The following ANKRD44 variants were observed in gnomAD, a reference collection of about 807,000 sequenced individuals.
ANKRD44 encodes the protein serine/threonine-protein phosphatase 6 regulatory ankyrin repeat subunit B.
A neutral mutation model predicts 116.0 loss-of-function variants in ANKRD44; 35 were observed. That is an observed-to-expected ratio of 0.30 (90% CI 0.23 to 0.40). The LOEUF is 0.40. Ranked by LOEUF, ANKRD44 falls within the 10% of genes least tolerant of loss-of-function variation. The probability of loss-of-function intolerance (pLI) is 1.00; values close to 1 mark genes in which losing one functional copy is unlikely to be tolerated. For synonymous variants in ANKRD44, 435 were observed against 461.8 expected, an observed-to-expected ratio of 0.94 and a Z score of 0.74; for missense variants, 1,014 against 1,242.6, an observed-to-expected ratio of 0.82 and a Z score of 2.77.
intron 1 of ANKRD44, among the ~76,000 whole-genome samples, chr2:197,256,316 T>C (rs896973901): frequency 1.9e-4 from 29 of 152,312 alleles, no homozygotes; most frequent in East Asian, 1.5e-3. Flanking sequence ...GTCAGGAGCA[T>C]GAGTACAAAA....
intron 27 of ANKRD44, 26 bp downstream of exon 27, chr2:196,993,557 A>C: frequency 6.5e-7 from 1 of 1,527,102 alleles, no homozygotes; most frequent in South Asian, 1.2e-5. Flanking sequence ...AGGTACCTGC[A>C]GTCGCTGTTG....
At chr2:197,074,467 G>C (rs1291043337) in intron 16 of ANKRD44, among the ~76,000 whole-genome samples, 1 of 152,034 alleles carries the variant, frequency 6.6e-6, no homozygotes, top group African/African-American at 2.4e-5. Context: ...CATTGCCAAT[G>C]TAAGTCCATA....
At chr2:197,304,117 C>T (rs551151503) in intron 1 of ANKRD44, among the ~76,000 whole-genome samples, 11 of 152,130 alleles carry the variant, frequency 7.2e-5, no homozygotes, top group African/African-American at 2.6e-4. Context: ...ACCAGCCTGG[C>T]CGACATGGTG....
In ANKRD44 at chr2:197,121,565, G is replaced by C. The variant is rs1324072822; in HGVS notation, c.694-21C>G. The C allele has an allele frequency of 2.5e-6, 4 of 1,606,386 alleles. No homozygotes were observed. The East Asian group carries it at 8.9e-5, about 36-fold the overall frequency. On this transcript the variant is annotated intron_variant, in intron 7 of 27. Transcript: ENST00000282272. ...TCAATCTGCAAAAGAGTCCAACACA[G>C]GGTGATTAAAGTCATTAGAGCCAGT... is the stretch of plus-strand genomic sequence containing the variant.
chr2:197,085,307 A>G (rs148499345), intron 13 of ANKRD44, among the ~76,000 whole-genome samples: 1 of 152,302 alleles, frequency 6.6e-6, no homozygotes, highest in East Asian at 1.9e-4. Context: ...GATAGGGAGA[A>G]AATGATACCC....
intron 1 of ANKRD44, among the ~76,000 whole-genome samples, chr2:197,225,591 G>A (rs1287268605): frequency 2.0e-5 from 3 of 152,154 alleles, no homozygotes; most frequent in Non-Finnish European, 4.4e-5. Flanking sequence ...TGATCTACCC[G>A]CCTCAGCCTG....
chr2:196,981,791 A>G (rs1293115633), downstream of ANKRD44, among the ~76,000 whole-genome samples: 1 of 152,008 alleles, frequency 6.6e-6, no homozygotes, highest in Non-Finnish European at 1.5e-5. Context: ...AAATAATAAT[A>G]ATAATAAAAT....
intron 3 of ANKRD44, among the ~76,000 whole-genome samples, chr2:197,142,296 T>C (rs2079386349): frequency 6.6e-6 from 1 of 152,150 alleles, no homozygotes. Context: ...GTGATAAGGG[T>C]GGACTGAGTG....
At chr2:197,220,773 C>T (rs1332260481) in intron 1 of ANKRD44, among the ~76,000 whole-genome samples, 3 of 152,208 alleles carry the variant, frequency 2.0e-5, no homozygotes, top group South Asian at 2.1e-4. Context: ...AGACATTTAA[C>T]AGCCTTTATT....
intron 27 of ANKRD44, 180 bp from the exon 28 acceptor site, chr2:196,989,829 A>G: frequency 1.5e-6 from 2 of 1,369,096 alleles, no homozygotes; most frequent in East Asian, 5.5e-5. Flanking sequence ...TCATTTTACT[A>G]CTGATGAACA....
intron 1 of ANKRD44, among the ~76,000 whole-genome samples, chr2:197,290,493 A>C (rs2083534395): frequency 6.6e-6 from 1 of 152,162 alleles, no homozygotes; most frequent in Non-Finnish European, 1.5e-5. Context: ...GACCAGTTGA[A>C]AACCAGGAGA....
chr2:197,172,003 T>C (rs987058471), intron 2 of ANKRD44, among the ~76,000 whole-genome samples: 12 of 149,620 alleles, frequency 8.0e-5, no homozygotes, highest in East Asian at 1.9e-4. Context: ...TTTCTTCTTT[T>C]TTTTTTTTTT....
At chr2:196,984,627 C>A (rs1196669668), downstream of ANKRD44, among the ~76,000 whole-genome samples, 1 of 152,224 alleles carries the variant, frequency 6.6e-6, no homozygotes, top group Non-Finnish European at 1.5e-5. Context: ...AGTTTGAAGA[C>A]AAAGTGCCAC....
At position 197,125,840 on chromosome 2, in the gene ANKRD44, C is replaced by T; in HGVS notation, c.459G>A (p.Val153=). The T allele has an allele frequency of 6.2e-7, 1 of 1,613,780 alleles. No homozygotes were observed. The change falls in exon 5 of 28, where the codon GTG becomes GTA. Residue 153 remains valine, a synonymous_variant. Transcript: ENST00000282272. ...TCTGAATGATAAAAATACCCACCTC[C>T]ACGTGGCCGTTCAGAGCCGCATGGT... ...ALHHAALNGH[V]EMVNLLLAKG... is the part of the protein sequence containing the mutation.
chr2:197,004,409 TC>T (rs2076167624), intron 21 of ANKRD44, among the ~76,000 whole-genome samples: 1 of 152,144 alleles, frequency 6.6e-6, no homozygotes, highest in African/African-American at 2.4e-5. Context: ...CATATCACAT[TC>T]TTATCACCAA....
intron 1 of ANKRD44, among the ~76,000 whole-genome samples, chr2:197,275,296 G>A (rs901446870): frequency 1.8e-4 from 28 of 151,436 alleles, no homozygotes; most frequent in African/African-American, 6.5e-4. Flanking sequence ...TGGATTTTTT[G>A]TTGAGACAAG....
intron 10 of ANKRD44, among the ~76,000 whole-genome samples, chr2:197,094,999 C>CA (rs2078128499): frequency 6.6e-6 from 1 of 152,224 alleles, no homozygotes; most frequent in Non-Finnish European, 1.5e-5. Flanking sequence ...GTCCTGCCCC[C>CA]AGGCCTTTGC....
intron 1 of ANKRD44, among the ~76,000 whole-genome samples, chr2:197,276,325 T>G (rs1361927580): frequency 4.2e-5 from 6 of 141,230 alleles, no homozygotes; most frequent in Admixed American, 7.0e-5. Context: ...TTGCTAAGAG[T>G]TTTTTACACC....
At chr2:197,259,855 A>G (rs1484798510) in intron 1 of ANKRD44, among the ~76,000 whole-genome samples, 1 of 152,188 alleles carries the variant, frequency 6.6e-6, no homozygotes. Context: ...TAACTCATTG[A>G]AAAGAATATG....
Sources: gnomAD v4.1 joint callset for allele counts (sites outside exome capture counted in the v4.1 genomes callset) on GRCh38, gnomAD v4.1.1 for gene constraint, MANE v1.5 for transcripts, NCBI Gene and HGNC (gene_info 2026-07-23, HGNC 2026-07-21) for gene names.